Variants in UBAP1 observed in about 807,000 individuals in gnomAD.
UBAP1 encodes ubiquitin-associated protein 1.
A neutral mutation model predicts 39.0 loss-of-function variants in UBAP1; 5 were observed. The ratio of observed to expected loss-of-function variants is 0.13; its 90% CI spans 0.07 to 0.27. The LOEUF (loss-of-function observed/expected upper bound fraction) is 0.27. Ranked by LOEUF, UBAP1 falls within the 10% of genes least tolerant of loss-of-function variation. UBAP1 has a pLI of 1.00. For missense variants in UBAP1, 490 were observed against 608.1 expected (o/e 0.81, Z 2.04); for synonymous variants, 211 against 225.1 (o/e 0.94, Z 0.56).
At chr9:34,182,160 G>GTTTATTTATTTATTTATTTATTTA (rs10530740) in intron 1 of UBAP1, among the ~76,000 whole-genome samples, 1 of 82,764 alleles carries the variant, frequency 1.2e-5, no homozygotes, top group African/African-American at 3.6e-5. Flanking sequence ...GATCCCTGAC[G>GTTTATTTATTTATTTATTTATTTA]TTTATTTATT....
intron 2 of UBAP1, 103 bp downstream of exon 2, chr9:34,221,051 A>C: frequency 1.0e-6 from 1 of 1,000,898 alleles, no homozygotes; most frequent in Non-Finnish European, 1.5e-6. Context: ...TGTCTCTTTT[A>C]ATGAACAGCT....
In UBAP1 at chr9:34,226,717, AT is replaced by A. The variant is rs57327014; in HGVS notation, c.34+5779del. On this transcript the variant is annotated intron_variant, in intron 2 of 6. Transcript: ENST00000297661. ...TCCAGATATCTCTTAACACTGTTCA[AT>A]TTTTTTTTTCCCTTTTTCTCTCTTT... Among the ~76,000 whole-genome samples, 247 of 149,566 alleles carry A rather than the reference AT, an allele frequency of 1.7e-3. 2 individuals carry two copies. Among genetic ancestry groups the A allele is most frequent in the African/African-American group, 4.1e-3 (165 of 40,664 alleles).
intron 1 of UBAP1, among the ~76,000 whole-genome samples, chr9:34,189,577 A>G (rs894919667): frequency 6.6e-6 from 1 of 152,166 alleles, no homozygotes; most frequent in Non-Finnish European, 1.5e-5. Flanking sequence ...CAAATTAAAA[A>G]TCACTGCTGG....
chr9:34,219,511 C>T (rs1306108894), intron 1 of UBAP1, among the ~76,000 whole-genome samples: 1 of 152,068 alleles, frequency 6.6e-6, no homozygotes, highest in Non-Finnish European at 1.5e-5. Flanking sequence ...TGGAGGCAAC[C>T]ATTGTAAATA....
intron 1 of UBAP1, among the ~76,000 whole-genome samples, chr9:34,180,002 T>A (rs1829923948): frequency 6.6e-6 from 1 of 152,216 alleles, no homozygotes; most frequent in South Asian, 2.1e-4. Flanking sequence ...CATGCAGTGT[T>A]GCGAAACCAG....
chr9:34,198,698 A>G (rs182728376), intron 1 of UBAP1, among the ~76,000 whole-genome samples: 12 of 152,256 alleles, frequency 7.9e-5, no homozygotes, highest in Admixed American at 2.0e-4. Context: ...CCAGTGGTCT[A>G]GCCCTCCCAT....
At chr9:34,229,798 A>G (rs1833312700) in intron 2 of UBAP1, among the ~76,000 whole-genome samples, 1 of 151,948 alleles carries the variant, frequency 6.6e-6, no homozygotes, top group Non-Finnish European at 1.5e-5. Flanking sequence ...CGGCCTCCCA[A>G]AATGCTGGGA....
intron 1 of UBAP1, among the ~76,000 whole-genome samples, chr9:34,196,262 C>T (rs1275683191): frequency 6.6e-6 from 1 of 151,134 alleles, no homozygotes; most frequent in Non-Finnish European, 1.5e-5. Context: ...ACCTCAGCCT[C>T]TTGAGTAGCT....
intron 6 of UBAP1, 68 bp from the exon 7 acceptor site, chr9:34,251,324 C>A: frequency 6.5e-7 from 1 of 1,540,668 alleles, no homozygotes; most frequent in Non-Finnish European, 8.9e-7. Flanking sequence ...CCCACACACA[C>A]ACTCCTTCAC....
intron 1 of UBAP1, among the ~76,000 whole-genome samples, chr9:34,188,249 A>T (rs1477745762): frequency 6.6e-6 from 1 of 152,144 alleles, no homozygotes; most frequent in Admixed American, 6.6e-5. Context: ...CATTTATGAA[A>T]GGCATACTCT....
intron 1 of UBAP1, among the ~76,000 whole-genome samples, chr9:34,188,847 C>T (rs1055025953): frequency 6.6e-6 from 1 of 152,040 alleles, no homozygotes; most frequent in Non-Finnish European, 1.5e-5. Context: ...ATCCCAGCTA[C>T]TCAGGAGGCT....
intron 1 of UBAP1, among the ~76,000 whole-genome samples, chr9:34,209,088 T>C (rs1831878657): frequency 6.6e-6 from 1 of 151,810 alleles, no homozygotes; most frequent in South Asian, 2.1e-4. Flanking sequence ...GCATATGCCA[T>C]GAGACCTGGC....
At chr9:34,191,400 G>A (rs538298454) in intron 1 of UBAP1, among the ~76,000 whole-genome samples, 5 of 152,290 alleles carry the variant, frequency 3.3e-5, no homozygotes, top group Admixed American at 6.5e-5. Flanking sequence ...CCTGGCCTGT[G>A]TAAACTTTAA....
intron 3 of UBAP1, 80 bp from the exon 4 acceptor site, chr9:34,241,105 G>C (rs2131619887): frequency 1.9e-6 from 2 of 1,031,318 alleles, no homozygotes; most frequent in East Asian, 5.3e-5. Flanking sequence ...TGCACCAGGA[G>C]TGAGGAAGGA....
intron 1 of UBAP1, among the ~76,000 whole-genome samples, chr9:34,198,371 G>C (rs1425111246): frequency 6.6e-6 from 1 of 152,204 alleles, no homozygotes; most frequent in Non-Finnish European, 1.5e-5. Context: ...CTGCTCCAAG[G>C]TTAGACGGGT....
At chr9:34,222,688 T>C (rs570185924) in intron 2 of UBAP1, among the ~76,000 whole-genome samples, 4 of 151,900 alleles carry the variant, frequency 2.6e-5, no homozygotes, top group Non-Finnish European at 4.4e-5. Context: ...TCTCAGCTAC[T>C]CGGGAGGCTG....
In UBAP1 at chr9:34,195,927, G is replaced by GTTTTTTTTTTTTTT. The variant is rs57040252; in HGVS notation, c.-8+16711_-8+16724dup. ...TTTGGATTTCTATACAAATTTTTTGGTTTTTTTTTTTTTTTTTTTTTTTTT... is the reference window on the plus strand; with the variant it reads ...TTTGGATTTCTATACAAATTTTTTGGTTTTTTTTTTTTTTTTTTTTTTTTTTTTTTTTTTTTTTT... On this transcript the variant is annotated intron_variant, in intron 1 of 6. Coordinates refer to ENST00000297661, the MANE Select transcript of UBAP1 (RefSeq NM_016525.5). 2.5e-4 allele frequency among the ~76,000 whole-genome samples: 9 copies of GTTTTTTTTTTTTTT among 36,156 alleles called. 3 individuals carry two copies. Among genetic ancestry groups the GTTTTTTTTTTTTTT allele is most frequent in the South Asian group, 3.2e-3 (2 of 628 alleles). The allele number at this position is 36,156 out of a possible 152,430, so 23.7% of individuals were successfully genotyped here.
chr9:34,202,542 T>G (rs1283960567), intron 1 of UBAP1, among the ~76,000 whole-genome samples: 2 of 151,790 alleles, frequency 1.3e-5, no homozygotes, highest in Non-Finnish European at 2.9e-5. Flanking sequence ...TTCTGTTTTC[T>G]GAGGCCTGAC....
chr9:34,197,481 G>C (rs1325389504), intron 1 of UBAP1, among the ~76,000 whole-genome samples: 3 of 151,984 alleles, frequency 2.0e-5, no homozygotes, highest in Non-Finnish European at 4.4e-5. Flanking sequence ...CAGTTCTATA[G>C]ATCTCCATTT....
Sources: allele counts gnomAD v4.1 joint callset (sites outside exome capture counted in the v4.1 genomes callset), GRCh38; gene constraint gnomAD v4.1.1; transcripts MANE v1.5; gene names NCBI Gene and HGNC (gene_info 2026-07-23, HGNC 2026-07-21).